UBE2W: variants seen among roughly 807,000 people sequenced by gnomAD.
The protein encoded by UBE2W is ubiquitin-conjugating enzyme E2 W.
Under a neutral mutation model 27.2 loss-of-function variants are expected in UBE2W, and 18 were observed. That is an observed-to-expected ratio of 0.66 (90% CI 0.46 to 0.98). The LOEUF is 0.98. Among genes scored for constraint, UBE2W ranks in the 50% least tolerant of loss-of-function variants. The pLI is 0.00. For synonymous variants in UBE2W, 53 were observed against 57.2 expected (o/e 0.93, Z 0.33); for missense variants, 90 against 180.2 (o/e 0.50, Z 2.87).
intron 1 of UBE2W, among the ~76,000 whole-genome samples, chr8:73,835,518 G>A (rs547962277): frequency 1.2e-4 from 18 of 152,314 alleles, no homozygotes; most frequent in African/African-American, 3.8e-4. Context: ...CGAGGTGGGT[G>A]AATCACCTGA....
intron 4 of UBE2W, among the ~76,000 whole-genome samples, chr8:73,806,281 C>T (rs914667285): frequency 3.3e-5 from 5 of 151,952 alleles, no homozygotes; most frequent in Admixed American, 6.6e-5. Flanking sequence ...ATCTCAGGTA[C>T]TTGGAAGGCT....
intron 1 of UBE2W, among the ~76,000 whole-genome samples, chr8:73,865,386 G>C (rs913255723): frequency 1.3e-5 from 2 of 152,020 alleles, no homozygotes; most frequent in African/African-American, 4.8e-5. Flanking sequence ...GCTGAGGCAG[G>C]AGGACTGCTT....
chr8:73,796,704 A>G (rs1432047194), intron 5 of UBE2W: 1 of 964,844 alleles, frequency 1.0e-6, no homozygotes, highest in Non-Finnish European at 1.2e-6. Flanking sequence ...TATGTAATCA[A>G]GAGTTTATAA....
chr8:73,792,349 A>G lies in UBE2W; in HGVS notation c.*1753T>C, dbSNP rs1808239498. 2.1e-6 allele frequency: 2 copies of G among 965,872 alleles called. No individual in the cohort carries two copies. The highest frequency in any genetic ancestry group is 4.8e-5 in the South Asian group (1 of 20,814). 59.8% of individuals were successfully genotyped at this position (965,872 alleles called of 1,614,324 possible). A position where few individuals can be genotyped will look rare whatever the true frequency, so the allele number is the denominator to read the frequency against. ...AATTTGGTGGCTGGCCACGGTTTTAATTTTTTTTTTCAAGTTATTTCTATA... is the reference window on the plus strand; with the variant it reads ...AATTTGGTGGCTGGCCACGGTTTTAGTTTTTTTTTTCAAGTTATTTCTATA... On this transcript the variant is annotated 3_prime_UTR_variant, in exon 6 of 6. Transcript: ENST00000602593.
At chr8:73,844,869 A>G (rs1350719417) in intron 1 of UBE2W, among the ~76,000 whole-genome samples, 3 of 137,248 alleles carry the variant, frequency 2.2e-5, no homozygotes, top group Admixed American at 7.2e-5. Flanking sequence ...AGCGTCTCCG[A>G]CGGGCCACCC....
chr8:73,818,275 A>G (rs1809474152), intron 3 of UBE2W, among the ~76,000 whole-genome samples: 1 of 152,160 alleles, frequency 6.6e-6, no homozygotes, highest in Non-Finnish European at 1.5e-5. Context: ...TTCAACCTTT[A>G]AAACAGGTCC....
chr8:73,800,872 C>G (rs1808607862), intron 5 of UBE2W, among the ~76,000 whole-genome samples: 1 of 152,146 alleles, frequency 6.6e-6, no homozygotes, highest in Non-Finnish European at 1.5e-5. Flanking sequence ...GGGGGCAGAT[C>G]ACCTGAGGTT....
chr8:73,784,888 A>C (rs1807908572), downstream of UBE2W, among the ~76,000 whole-genome samples: 1 of 152,042 alleles, frequency 6.6e-6, no homozygotes, highest in African/African-American at 2.4e-5. Context: ...CCAATTGATA[A>C]ATTTCCTGAG....
At chr8:73,816,156 G>A (rs1348755025) in intron 3 of UBE2W, among the ~76,000 whole-genome samples, 1 of 152,146 alleles carries the variant, frequency 6.6e-6, no homozygotes, top group African/African-American at 2.4e-5. Flanking sequence ...ATAGTGCAAA[G>A]ACAAAATTAT....
At chr8:73,800,930 TA>T (rs1808611817) in intron 5 of UBE2W, among the ~76,000 whole-genome samples, 1 of 151,992 alleles carries the variant, frequency 6.6e-6, no homozygotes, top group Admixed American at 6.6e-5. Flanking sequence ...TCATCTCTAT[TA>T]AAAATACAAA....
intron 4 of UBE2W, among the ~76,000 whole-genome samples, chr8:73,807,973 T>C (rs1808988555): frequency 6.6e-6 from 1 of 152,216 alleles, no homozygotes; most frequent in Non-Finnish European, 1.5e-5. Flanking sequence ...GAAAGTCCTG[T>C]GATCTCAATA....
intron 4 of UBE2W, among the ~76,000 whole-genome samples, chr8:73,809,146 T>C (rs187478118): frequency 7.2e-5 from 11 of 152,042 alleles, no homozygotes; most frequent in African/African-American, 2.7e-4. Context: ...TGGGGGTGGG[T>C]GAGAGGAGAA....
chr8:73,871,706 G>A (rs1257992004), intron 1 of UBE2W, among the ~76,000 whole-genome samples: 1 of 152,140 alleles, frequency 6.6e-6, no homozygotes, highest in African/African-American at 2.4e-5. Flanking sequence ...TAATGAAGCA[G>A]ACAGCAATAA....
chr8:73,792,545 G>C lies in UBE2W; in HGVS notation c.*1557C>G. ...AATTATTGATTGAATGGTTTTACTGGGGTACGTATTTCAAACCTTTCAGCC... is the reference window on the plus strand; with the variant it reads ...AATTATTGATTGAATGGTTTTACTGCGGTACGTATTTCAAACCTTTCAGCC... On this transcript the variant is annotated 3_prime_UTR_variant, in exon 6 of 6. Transcript: ENST00000602593. 1.0e-6 allele frequency: 1 copy of C among 985,530 alleles called. No homozygotes were observed. The highest frequency in any genetic ancestry group is 1.2e-6 in the Non-Finnish European group (1 of 829,770). The allele number at this position is 985,530 out of a possible 1,614,324, so 61.0% of individuals were successfully genotyped here. A position where few individuals can be genotyped will look rare whatever the true frequency, so the allele number is the denominator to read the frequency against.
downstream of UBE2W, among the ~76,000 whole-genome samples, chr8:73,783,435 G>A (rs1216932616): frequency 6.6e-6 from 1 of 152,156 alleles, no homozygotes; most frequent in Non-Finnish European, 1.5e-5. Context: ...ATGTTCTAAT[G>A]CCTTTCGTTC....
intron 1 of UBE2W, among the ~76,000 whole-genome samples, chr8:73,872,047 C>A (rs1478747976): frequency 6.6e-6 from 1 of 152,120 alleles, no homozygotes; most frequent in Non-Finnish European, 1.5e-5. Context: ...GAATGTGCTA[C>A]CACACCCAGC....
intron 4 of UBE2W, among the ~76,000 whole-genome samples, chr8:73,809,908 TTTC>T (rs887576467): frequency 6.6e-6 from 1 of 152,176 alleles, no homozygotes; most frequent in African/African-American, 2.4e-5. Context: ...AGTGATTTTT[TTTC>T]TTTTTGTTTT....
chr8:73,837,635 G>C (rs1459502173), intron 1 of UBE2W, among the ~76,000 whole-genome samples: 1 of 152,156 alleles, frequency 6.6e-6, no homozygotes, highest in Non-Finnish European at 1.5e-5. Flanking sequence ...TATATACTTT[G>C]TAGAGACAGG....
rs1363460849 is a variant in UBE2W at position 73,792,203 on chromosome 8, G to A, written c.*1899C>T. 1.0e-6 allele frequency: 1 copy of A among 985,606 alleles called. No individual in the cohort carries two copies. The allele number at this position is 985,606 out of a possible 1,614,324, so 61.1% of individuals were successfully genotyped here. A position where few individuals can be genotyped will look rare whatever the true frequency, so the allele number is the denominator to read the frequency against. On this transcript the variant is annotated 3_prime_UTR_variant, in exon 6 of 6. Transcript: ENST00000602593. ...AAAGACTTTCTGTCTTGGTTAAACA[G>A]GCCAACTAATAAAACTGACAGAGAT...
Sources: allele counts gnomAD v4.1 joint callset (sites outside exome capture counted in the v4.1 genomes callset), GRCh38; gene constraint gnomAD v4.1.1; transcripts MANE v1.5; gene names NCBI Gene and HGNC (gene_info 2026-07-23, HGNC 2026-07-21).